The following TENM3 variants were observed in gnomAD, a reference collection of about 807,000 sequenced individuals.
TENM3 encodes teneurin transmembrane protein 3, also known as teneurin-3.
A neutral mutation model predicts 255.1 loss-of-function variants in TENM3; 63 were observed. That is an observed-to-expected ratio of 0.25 (90% CI 0.20 to 0.30). TENM3 has a LOEUF of 0.30. TENM3 is among the 10% of genes least tolerant of loss of function. The pLI is 1.00. For missense variants in TENM3, 2,929 were observed against 3,461.1 expected, an observed-to-expected ratio of 0.85 and a Z score of 3.86; for synonymous variants, 1,306 against 1,322.3, an observed-to-expected ratio of 0.99 and a Z score of 0.27.
At chr4:182,777,509 T>TTGTGTGTGTGTGTGTGTGTG (rs1172500944) in intron 24 of TENM3, among the ~76,000 whole-genome samples, 5 of 120,112 alleles carry the variant, frequency 4.2e-5, no homozygotes, top group African/African-American at 1.6e-4. Flanking sequence ...CATAATGTGT[T>TTGTGTGTGTGTGTGTGTGTG]TATGTGTGTG....
At chr4:182,719,354 C>T (rs1014536414) in intron 13 of TENM3, among the ~76,000 whole-genome samples, 16 of 145,002 alleles carry the variant, frequency 1.1e-4, no homozygotes, top group Non-Finnish European at 2.3e-4. Context: ...CTCCGCCTGC[C>T]GGGTTCAAGG....
chr4:181,802,821 C>T, the TENM3 span, among the ~76,000 whole-genome samples: 3 of 152,198 alleles, frequency 2.0e-5, no homozygotes, highest in East Asian at 5.8e-4. Flanking sequence ...ATTTATAAAC[C>T]TTAAATTCCG....
chr4:181,599,580 CAAG>C, the TENM3 span, among the ~76,000 whole-genome samples: 1 of 152,142 alleles, frequency 6.6e-6, no homozygotes, highest in South Asian at 2.1e-4. Flanking sequence ...TATATACAAG[CAAG>C]AATTTTGATG....
the TENM3 span, among the ~76,000 whole-genome samples, chr4:181,506,237 G>A: frequency 6.6e-6 from 1 of 152,070 alleles, no homozygotes; most frequent in Non-Finnish European, 1.5e-5. Flanking sequence ...CTGCCAGAAA[G>A]TTTAGGGACT....
At chr4:182,304,362 G>A (rs758500065) in intron 1 of TENM3, among the ~76,000 whole-genome samples, 5 of 152,074 alleles carry the variant, frequency 3.3e-5, no homozygotes, top group Non-Finnish European at 4.4e-5. Context: ...ACAGGTGTGC[G>A]CCACTATGCC....
the TENM3 span, among the ~76,000 whole-genome samples, chr4:181,774,160 T>TC: frequency 4.9e-5 from 4 of 82,076 alleles, no homozygotes; most frequent in East Asian, 7.0e-4. Flanking sequence ...ATGCTATCCC[T>TC]CCCCCCTCCC....
chr4:182,198,980 T>G (rs1388976220), intron 1 of TENM3, among the ~76,000 whole-genome samples: 1 of 152,006 alleles, frequency 6.6e-6, no homozygotes. Flanking sequence ...CCTTGCCTAC[T>G]TCTGCCTCAT....
the TENM3 span, among the ~76,000 whole-genome samples, chr4:181,876,033 G>A: frequency 0.015 from 2,233 of 152,270 alleles, 54 homozygotes; most frequent in African/African-American, 0.051. Flanking sequence ...ATGTCCTCTG[G>A]ACTATATTTC....
chr4:181,689,560 G>A, the TENM3 span, among the ~76,000 whole-genome samples: 7 of 152,140 alleles, frequency 4.6e-5, no homozygotes, highest in Non-Finnish European at 8.8e-5. Flanking sequence ...GCGGGGAGCA[G>A]ATGGAGTACC....
chr4:181,905,914 C>A, the TENM3 span: 2 of 563,594 alleles, frequency 3.5e-6, no homozygotes, highest in Non-Finnish European at 6.7e-6. Context: ...GCAAGCTCAG[C>A]AGAATGACAT....
At chr4:181,779,135 C>T in the TENM3 span, among the ~76,000 whole-genome samples, 4 of 151,982 alleles carry the variant, frequency 2.6e-5, no homozygotes, top group African/African-American at 4.8e-5. Flanking sequence ...AGGAAGGACA[C>T]GCTTGATCTA....
chr4:181,788,400 C>A, the TENM3 span, among the ~76,000 whole-genome samples: 10 of 152,182 alleles, frequency 6.6e-5, no homozygotes, highest in East Asian at 1.2e-3. Context: ...ATGCCAAGCA[C>A]TTTACATCTG....
rs1425093329 is a variant in TENM3 at position 182,208,115 on chromosome 4, T to TA, written c.-76+63363dup. Among the ~76,000 whole-genome samples, 110 of 152,362 alleles carry TA rather than the reference T, an allele frequency of 7.2e-4. 1 individual carries two copies. The highest frequency in any genetic ancestry group is 2.5e-3 in the African/African-American group (102 of 41,586). On this transcript the variant is annotated intron_variant, in intron 1 of 2. Coordinates refer to the TENM3 transcript ENST00000512480. ...AATGCAAGCTGCTTAAGCACAGAGT[T>TA]AATGTCCAACATGCCTTTTTCTAGC...
At chr4:181,495,921 AAG>A in the TENM3 span, among the ~76,000 whole-genome samples, 1 of 150,964 alleles carries the variant, frequency 6.6e-6, no homozygotes, top group Non-Finnish European at 1.5e-5. Context: ...AAAAAAAAAA[AAG>A]AAACATAAAA....
In TENM3 at chr4:182,792,303, G is replaced by A; in HGVS notation, c.5631G>A (p.Arg1877=). Residue 1877 remains arginine, a synonymous_variant, in exon 26 of 28, where the codon CGG becomes CGA. Transcript: ENST00000511685. The surrounding 1 kb of genome is among the most constrained non-coding windows in gnomAD (Gnocchi z 6.3). ...TGGTTCTTCTGCTTCATAGCCAGCG[G>A]CAGTACATCTTCGAATACGATATGT... ...KSMVLLLHSQ[R]QYIFEYDMWD... 2 of 1,613,864 alleles carry A rather than the reference G, an allele frequency of 1.2e-6. No homozygotes were observed. The highest frequency in any genetic ancestry group is 1.7e-6 in the Non-Finnish European group (2 of 1,179,770).
At chr4:181,843,780 C>A in the TENM3 span, among the ~76,000 whole-genome samples, 1 of 137,878 alleles carries the variant, frequency 7.3e-6, no homozygotes, top group African/African-American at 2.8e-5. Context: ...AGTGCAGTGG[C>A]GTGATCTTGG....
chr4:181,837,235 G>C, the TENM3 span, among the ~76,000 whole-genome samples: 4 of 152,006 alleles, frequency 2.6e-5, no homozygotes, highest in African/African-American at 9.7e-5. Context: ...TTAGCAGACT[G>C]TCTATGGTCT....
At chr4:182,682,345 A>C (rs1756241110) in intron 11 of TENM3, among the ~76,000 whole-genome samples, 4 of 152,208 alleles carry the variant, frequency 2.6e-5, no homozygotes, top group Admixed American at 2.6e-4. Flanking sequence ...TTGGGGATTT[A>C]AGCACATTAT....
chr4:182,381,586 G>A (rs1438365214), intron 3 of TENM3, among the ~76,000 whole-genome samples: 1 of 108,246 alleles, frequency 9.2e-6, no homozygotes, highest in Non-Finnish European at 1.7e-5. Context: ...CCGGAGTTTT[G>A]CTCTTGTTGC....
Sources: gnomAD v4.1 joint callset for allele counts (sites outside exome capture counted in the v4.1 genomes callset) on GRCh38, gnomAD v4.1.1 for gene constraint, Gnocchi (gnomAD v3.1) non-coding constraint, MANE v1.5 for transcripts, NCBI Gene and HGNC (gene_info 2026-07-23, HGNC 2026-07-21) for gene names.